Variants in INSYN2A observed in about 807,000 individuals in gnomAD.
The protein encoded by INSYN2A is family with sequence similarity 196 member A.
In INSYN2A, 17 loss-of-function variants were observed where a neutral mutation model predicts 39.4. The ratio of observed to expected loss-of-function variants is 0.43; its 90% confidence interval spans 0.30 to 0.65. The LOEUF (loss-of-function observed/expected upper bound fraction) is 0.65. Among genes scored for constraint, INSYN2A ranks in the 30% least tolerant of loss-of-function variants. The pLI is 0.14. For missense variants in INSYN2A, 595 were observed against 631.2 expected (o/e 0.94, Z 0.61); for synonymous variants, 255 against 265.7 (o/e 0.96, Z 0.39).
chr10:127,156,924 A>G (rs2053143285), intron 4 of INSYN2A, among the ~76,000 whole-genome samples: 1 of 152,192 alleles, frequency 6.6e-6, no homozygotes, highest in Admixed American at 6.5e-5. Flanking sequence ...GTCACTTTGT[A>G]GAAAGCACAT....
chr10:127,153,082 T>C (rs565647313), intron 5 of INSYN2A, among the ~76,000 whole-genome samples: 1 of 152,356 alleles, frequency 6.6e-6, no homozygotes, highest in Non-Finnish European at 1.5e-5. Context: ...TTTGATAATT[T>C]GGTGGATCAC....
chr10:127,151,464 A>G (rs1239459640), intron 5 of INSYN2A, among the ~76,000 whole-genome samples: 2 of 152,140 alleles, frequency 1.3e-5, no homozygotes, highest in Admixed American at 6.5e-5. Flanking sequence ...TGACCACTCC[A>G]AAGGGAGTGA....
chr10:127,179,590 A>G (rs2055526221), intron 2 of INSYN2A, among the ~76,000 whole-genome samples: 1 of 152,166 alleles, frequency 6.6e-6, no homozygotes, highest in African/African-American at 2.4e-5. Context: ...GACATTAAGA[A>G]TTACTAAGGT....
intron 1 of INSYN2A, 79 bp downstream of exon 1, chr10:127,195,918 C>T (rs2057101489): frequency 6.6e-6 from 1 of 152,236 alleles, no homozygotes; most frequent in Non-Finnish European, 1.5e-5. Flanking sequence ...GGTCGGCGCC[C>T]GTCCCAGCGG....
rs1200687894 is a variant in INSYN2A at position 127,196,217 on chromosome 10, C to T, written c.-615G>A. On this transcript the variant is annotated 5_prime_UTR_variant, in exon 1 of 6. Transcript: ENST00000522781. ...CCGCTGCCGGCCCGGCCCTGCTGGC[C>T]CGGCCGGCCCCCGCGCCGCAGCTCG... 1 of 149,316 alleles carries T rather than the reference C, an allele frequency of 6.7e-6. No homozygotes were observed. Among genetic ancestry groups the T allele is most frequent in the Non-Finnish European group, 1.5e-5 (1 of 67,160 alleles). 9.2% of individuals were successfully genotyped at this position (149,316 alleles called of 1,614,324 possible).
At chr10:127,171,239 A>G (rs1200123043) in intron 4 of INSYN2A, among the ~76,000 whole-genome samples, 2 of 152,226 alleles carry the variant, frequency 1.3e-5, no homozygotes, top group Non-Finnish European at 2.9e-5. Flanking sequence ...ATAATTTGGA[A>G]GCTACTGAGA....
rs1400005091 is a variant in INSYN2A at position 127,187,744 on chromosome 10, AAGAG to A, written c.-269+4857_-269+4860del. On this transcript the variant is annotated intron_variant, in intron 2 of 5. Coordinates refer to ENST00000522781, the MANE Select transcript of INSYN2A (RefSeq NM_001039762.3). Reference sequence around the variant, plus strand: ...GAAGAAAGAGAGAAAGAAAGAAAGAAAGAGAGAAAGAGAGAAAGAAAGAAAAGAG... The same window carrying A: ...GAAGAAAGAGAGAAAGAAAGAAAGAAAGAAAGAGAGAAAGAAAGAAAAGAG... Among the ~76,000 whole-genome samples, 9 of 40,172 alleles carry A rather than the reference AAGAG, an allele frequency of 2.2e-4. No homozygotes were observed. In the East Asian group the frequency reaches 7.3e-3, roughly 33 times the overall value. 26.4% of individuals were successfully genotyped at this position (40,172 alleles called of 152,430 possible).
chr10:127,137,558 GA>G lies in INSYN2A; in HGVS notation c.*278del. 3.0e-6 allele frequency: 1 copy of G among 331,018 alleles called. No individual in the cohort carries two copies. The highest frequency in any genetic ancestry group is 5.5e-6 in the Non-Finnish European group (1 of 182,540). The allele number at this position is 331,018 out of a possible 1,614,324, so 20.5% of individuals were successfully genotyped here. The stretch of plus-strand genomic sequence containing the variant: ...TATTACTTGCAGATCGGGGGTGGGG[GA>G]AAATTTTTACTTATCATCTTTGACT... On this transcript the variant is annotated 3_prime_UTR_variant, in exon 6 of 6. Coordinates refer to ENST00000522781, the MANE Select transcript of INSYN2A (RefSeq NM_001039762.3).
chr10:127,147,204 AGGATTGTGGTGGACTG>A (rs1389708399), intron 5 of INSYN2A, among the ~76,000 whole-genome samples: 1 of 152,168 alleles, frequency 6.6e-6, no homozygotes, highest in East Asian at 1.9e-4. Context: ...GAAGCCGTCA[AGGATTGTGGTGGACTG>A]GGATGTTCTC....
rs2050695852 is a variant in INSYN2A, at chr10:127,136,375, G to A, written c.*1462C>T. The stretch of plus-strand genomic sequence containing the variant: ...ACTGTGTGTTTGGCATCTAGTCAAT[G>A]AGGTGTGCATGTCAGCACTCCACTA... On this transcript the variant is annotated 3_prime_UTR_variant, in exon 6 of 6. Transcript: ENST00000522781. 1.3e-5 allele frequency: 2 copies of A among 151,708 alleles called. No individual in the cohort carries two copies. The highest frequency in any genetic ancestry group is 2.9e-5 in the Non-Finnish European group (2 of 67,998). The allele number at this position is 151,708 out of a possible 1,614,324, so 9.4% of individuals were successfully genotyped here.
rs2051522009 is a variant in INSYN2A, at chr10:127,143,877, TG to T, written c.1257-5858del. Among the ~76,000 whole-genome samples the T allele has an allele frequency of 4.6e-5, 7 of 152,286 alleles. No homozygotes were observed. The South Asian group carries it at 1.5e-3, about 32-fold the overall frequency. On this transcript the variant is annotated intron_variant, in intron 5 of 5. Transcript: ENST00000522781. ...CTGAACACATCTCCGTGTGCATATC[TG>T]AGGGGCACTGGAAATCCAGCATGTC... is the stretch of plus-strand genomic sequence containing the variant.
intron 4 of INSYN2A, among the ~76,000 whole-genome samples, chr10:127,156,535 TTTC>T (rs542677102): frequency 0.57 from 53,229 of 93,758 alleles, 18,008 homozygotes; most frequent in Middle Eastern, 0.79. Context: ...CTTTTCTCTT[TTTC>T]TTCTTCTTCT....
intron 5 of INSYN2A, among the ~76,000 whole-genome samples, chr10:127,148,111 G>A (rs954889127): frequency 6.6e-6 from 1 of 150,690 alleles, no homozygotes; most frequent in African/African-American, 2.4e-5. Flanking sequence ...AAAGCATGGA[G>A]TACACAGCAA....
chr10:127,185,864 G>A (rs1047527161), intron 2 of INSYN2A, among the ~76,000 whole-genome samples: 4 of 152,146 alleles, frequency 2.6e-5, no homozygotes, highest in Non-Finnish European at 5.9e-5. Context: ...AATGGTACAG[G>A]TTCTATATTT....
chr10:127,140,715 C>G (rs1482266494), intron 5 of INSYN2A, among the ~76,000 whole-genome samples: 1 of 152,198 alleles, frequency 6.6e-6, no homozygotes, highest in Non-Finnish European at 1.5e-5. Flanking sequence ...GAGGCAGCAT[C>G]AGAAGGTTAA....
intron 4 of INSYN2A, among the ~76,000 whole-genome samples, chr10:127,173,064 T>C (rs1375772127): frequency 6.6e-6 from 1 of 152,118 alleles, no homozygotes; most frequent in Non-Finnish European, 1.5e-5. Flanking sequence ...GCCGGGCATA[T>C]AGGGGATGCA....
At chr10:127,141,933 T>C (rs1446219765) in intron 5 of INSYN2A, among the ~76,000 whole-genome samples, 1 of 152,220 alleles carries the variant, frequency 6.6e-6, no homozygotes, top group Non-Finnish European at 1.5e-5. Context: ...CAGGATCTTT[T>C]TGGAGCCTGG....
chr10:127,184,361 G>T (rs530412610), intron 2 of INSYN2A, among the ~76,000 whole-genome samples: 1 of 131,862 alleles, frequency 7.6e-6, no homozygotes, highest in South Asian at 2.3e-4. Flanking sequence ...TGCCCTATTC[G>T]TTTTTGTTTT....
intron 2 of INSYN2A, among the ~76,000 whole-genome samples, chr10:127,181,678 G>A (rs141986206): frequency 1.4e-4 from 21 of 152,298 alleles, no homozygotes; most frequent in Admixed American, 4.6e-4. Flanking sequence ...CCAAGGGGGT[G>A]CCTGAACATG....
Sources: gnomAD v4.1 joint callset for allele counts (sites outside exome capture counted in the v4.1 genomes callset) on GRCh38, gnomAD v4.1.1 for gene constraint, MANE v1.5 for transcripts, NCBI Gene and HGNC (gene_info 2026-07-23, HGNC 2026-07-21) for gene names.